The following NEMP2 variants were observed in gnomAD, a reference collection of about 807,000 sequenced individuals.
The protein encoded by NEMP2 is nuclear envelope integral membrane protein 2, also known as UPF0571 transmembrane protein.
In NEMP2, 53 loss-of-function variants were observed where a neutral mutation model predicts 54.2. The observed-to-expected ratio is 0.98, with a 90% CI of 0.78 to 1.23. NEMP2 has a LOEUF of 1.23. Ranked by LOEUF, NEMP2 falls within the 50% of genes most tolerant of loss-of-function variation. NEMP2 has a pLI of 0.00. For synonymous variants in NEMP2, 197 were observed against 190.3 expected (o/e 1.04, Z -0.29); for missense variants, 455 against 511.3 (o/e 0.89, Z 1.06).
chr2:190,453,224 G>A, the NEMP2 span, among the ~76,000 whole-genome samples: 1 of 152,100 alleles, frequency 6.6e-6, no homozygotes, highest in Non-Finnish European at 1.5e-5. Context: ...TTATATTACA[G>A]ATTAGGTACC....
the NEMP2 span, among the ~76,000 whole-genome samples, chr2:190,606,876 G>A: frequency 6.6e-6 from 1 of 152,202 alleles, no homozygotes; most frequent in South Asian, 2.1e-4. Context: ...CTATTTAATT[G>A]TGGAGCAAAT....
chr2:190,546,958 C>T, the NEMP2 span, among the ~76,000 whole-genome samples: 1 of 152,332 alleles, frequency 6.6e-6, no homozygotes. The surrounding 1 kb of genome is among the most constrained non-coding windows in gnomAD (Gnocchi z 5.1). Flanking sequence ...CTTTTGCCTT[C>T]ATAATTGAAA....
rs1286572453 is a variant in NEMP2, at chr2:190,523,803, T to C, written c.213+1460A>G. ...CAAAATAAATAATGAGAGTAATGGA[T>C]TGTAGTTTCCTGAAATAACTGGCAA... is the stretch of plus-strand genomic sequence containing the variant. On this transcript the variant is annotated intron_variant, in intron 2 of 8. Transcript: ENST00000409150. The surrounding 1 kb of genome is among the most constrained non-coding windows in gnomAD (Gnocchi z 5.3). 6.6e-6 allele frequency among the ~76,000 whole-genome samples: 1 copy of C among 152,132 alleles called. No individual in the cohort carries two copies. Among genetic ancestry groups the C allele is most frequent in the East Asian group, 1.9e-4 (1 of 5,202 alleles).
chr2:190,563,698 C>T, the NEMP2 span, among the ~76,000 whole-genome samples: 6 of 152,194 alleles, frequency 3.9e-5, no homozygotes, highest in African/African-American at 9.7e-5. This position sits in a 1 kb window ranked among gnomAD's most constrained non-coding sequence, Gnocchi z 4.3. Context: ...TTGAAGTGAA[C>T]GGGTGCACCA....
chr2:190,550,381 G>A, the NEMP2 span, among the ~76,000 whole-genome samples: 2 of 152,084 alleles, frequency 1.3e-5, no homozygotes, highest in Non-Finnish European at 2.9e-5. The surrounding 1 kb of genome is among the most constrained non-coding windows in gnomAD (Gnocchi z 4.7). Flanking sequence ...CCATTCATGA[G>A]GGCTCTGCTC....
rs547839975 is a variant in NEMP2, at chr2:190,530,429, G to C, written c.97+4130C>G. On this transcript the variant is annotated intron_variant, in intron 1 of 8. Coordinates refer to ENST00000409150, the MANE Select transcript of NEMP2 (RefSeq NM_001142645.2). This position sits in a 1 kb window ranked among gnomAD's most constrained non-coding sequence, Gnocchi z 4.6. ...CACAGGAATTCCTAAATATCTAAGG[G>C]ACCATAAATTCAGCCATAAGAAGCC... is the stretch of plus-strand genomic sequence containing the variant. Among the ~76,000 whole-genome samples the C allele has an allele frequency of 6.6e-6, 1 of 152,150 alleles. No homozygotes were observed. Among genetic ancestry groups the C allele is most frequent in the Admixed American group, 6.5e-5 (1 of 15,300 alleles).
intron 1 of NEMP2, among the ~76,000 whole-genome samples, chr2:190,532,431 G>A (rs2125353597): frequency 6.6e-6 from 1 of 152,262 alleles, no homozygotes; most frequent in East Asian, 1.9e-4. Context: ...TTTAAGCCTG[G>A]AAAGCCACTG....
chr2:190,597,258 G>A, the NEMP2 span, among the ~76,000 whole-genome samples: 1 of 129,058 alleles, frequency 7.7e-6, no homozygotes, highest in Admixed American at 9.6e-5. The surrounding 1 kb of genome is among the most constrained non-coding windows in gnomAD (Gnocchi z 4.7). Context: ...GCAAGACTCT[G>A]TCTCCAAAAA....
the NEMP2 span, chr2:190,648,619 T>A: frequency 1.3e-5 from 2 of 151,466 alleles, no homozygotes; most frequent in Non-Finnish European, 2.9e-5. Context: ...ACATAATTTT[T>A]TTTTTTTAAT....
chr2:190,457,792 C>T, the NEMP2 span, among the ~76,000 whole-genome samples: 2 of 152,174 alleles, frequency 1.3e-5, no homozygotes, highest in Non-Finnish European at 2.9e-5. The surrounding 1 kb of genome is among the most constrained non-coding windows in gnomAD (Gnocchi z 5.1). Context: ...CTGAGAAAGT[C>T]CACCTCAACT....
the NEMP2 span, among the ~76,000 whole-genome samples, chr2:190,465,741 C>T: frequency 6.6e-6 from 1 of 152,014 alleles, no homozygotes; most frequent in African/African-American, 2.4e-5. This position sits in a 1 kb window ranked among gnomAD's most constrained non-coding sequence, Gnocchi z 4.6. Flanking sequence ...GCCTATAATC[C>T]CAGCACTTTG....
intron 1 of NEMP2, 47 bp downstream of exon 1, chr2:190,534,512 G>C: frequency 7.4e-7 from 1 of 1,357,664 alleles, no homozygotes; most frequent in Non-Finnish European, 9.4e-7. Flanking sequence ...CGCGAAGCCG[G>C]GGAGCGAGCA....
the NEMP2 span, among the ~76,000 whole-genome samples, chr2:190,462,884 C>T: frequency 6.6e-6 from 1 of 152,186 alleles, no homozygotes; most frequent in African/African-American, 2.4e-5. The surrounding 1 kb of genome is among the most constrained non-coding windows in gnomAD (Gnocchi z 5.7). Flanking sequence ...GGCCTTGTCT[C>T]CTCTCCTCTC....
rs1027073653 is a variant in NEMP2, at chr2:190,529,757, T to C, written c.98-4379A>G. 6.6e-6 allele frequency among the ~76,000 whole-genome samples: 1 copy of C among 152,194 alleles called. No homozygotes were observed. The highest frequency in any genetic ancestry group is 1.5e-5 in the Non-Finnish European group (1 of 68,040). On this transcript the variant is annotated intron_variant, in intron 1 of 8. Coordinates refer to ENST00000409150, the MANE Select transcript of NEMP2 (RefSeq NM_001142645.2). This position sits in a 1 kb window ranked among gnomAD's most constrained non-coding sequence, Gnocchi z 4.7. ...AGTCCAGCCAATCTTTGTAAGAGCC[T>C]GGCCAGGAATAGTCAGCACCGTAAA...
chr2:190,497,426 C>A, the NEMP2 span: 5 of 1,606,448 alleles, frequency 3.1e-6, no homozygotes, highest in South Asian at 1.1e-5. This position sits in a 1 kb window ranked among gnomAD's most constrained non-coding sequence, Gnocchi z 5.2. Flanking sequence ...TTTAAACATT[C>A]TTTTCTCTCC....
the NEMP2 span, among the ~76,000 whole-genome samples, chr2:190,598,146 A>G: frequency 6.6e-6 from 1 of 152,148 alleles, no homozygotes; most frequent in East Asian, 1.9e-4. Flanking sequence ...CAACCCCCAT[A>G]GGACAAACAA....
the NEMP2 span, among the ~76,000 whole-genome samples, chr2:190,567,729 A>G: frequency 6.6e-6 from 1 of 152,090 alleles, no homozygotes; most frequent in Non-Finnish European, 1.5e-5. This position sits in a 1 kb window ranked among gnomAD's most constrained non-coding sequence, Gnocchi z 4.0. Context: ...ACTCACTGCA[A>G]CCTCTGCCTC....
the NEMP2 span, chr2:190,620,488 T>C: frequency 6.6e-6 from 1 of 152,218 alleles, no homozygotes; most frequent in Admixed American, 6.5e-5. The surrounding 1 kb of genome is among the most constrained non-coding windows in gnomAD (Gnocchi z 4.9). Context: ...CTAGTGGGCA[T>C]TGTTTCCATA....
rs1048993899 is a variant in NEMP2, at chr2:190,528,880, CAACAT to C, written c.98-3507_98-3503del. 1.3e-5 allele frequency among the ~76,000 whole-genome samples: 2 copies of C among 152,166 alleles called. No homozygotes were observed. The highest frequency in any genetic ancestry group is 4.8e-5 in the African/African-American group (2 of 41,448). On this transcript the variant is annotated intron_variant, in intron 1 of 8. Transcript: ENST00000409150. The surrounding 1 kb of genome is among the most constrained non-coding windows in gnomAD (Gnocchi z 4.3). ...TTAAGTATAGTGTATACTGCAGTTTCAACATAGGAATAAATGCTTCTCTCTTACCC... is the reference window on the plus strand; with the variant it reads ...TTAAGTATAGTGTATACTGCAGTTTCAGGAATAAATGCTTCTCTCTTACCC...
Sources: allele counts gnomAD v4.1 joint callset (sites outside exome capture counted in the v4.1 genomes callset), GRCh38; gene constraint gnomAD v4.1.1; non-coding constraint Gnocchi (gnomAD v3.1); transcripts MANE v1.5; gene names NCBI Gene and HGNC (gene_info 2026-07-23, HGNC 2026-07-21).